Variants in ATAD1 observed in about 807,000 individuals in gnomAD.
ATAD1 encodes the protein outer mitochondrial transmembrane helix translocase.
Under a neutral mutation model 42.7 loss-of-function variants are expected in ATAD1, and 18 were observed. That is an observed-to-expected ratio of 0.42 (90% CI 0.29 to 0.63). ATAD1 has a LOEUF of 0.63. ATAD1 is among the 20% of genes least tolerant of loss of function. The pLI is 0.19. For synonymous variants in ATAD1, 132 were observed against 143.1 expected (o/e 0.92, Z 0.55); for missense variants, 294 against 440.4 (o/e 0.67, Z 2.98).
intron 1 of ATAD1, among the ~76,000 whole-genome samples, chr10:87,840,998 G>A (rs138479685): frequency 1.2e-4 from 18 of 152,020 alleles, no homozygotes; most frequent in African/African-American, 2.9e-4. Flanking sequence ...TCTCTGATAC[G>A]TAAAAAAACT....
chr10:87,799,671 T>A (rs1402756284), intron 2 of ATAD1, among the ~76,000 whole-genome samples: 1 of 152,072 alleles, frequency 6.6e-6, no homozygotes, highest in Non-Finnish European at 1.5e-5. Flanking sequence ...GGTAAACAAT[T>A]AAAATAATTA....
At position 87,818,198 on chromosome 10, in the gene ATAD1, T is replaced by C; in HGVS notation, c.-45A>G. 1 of 985,606 alleles carries C rather than the reference T, an allele frequency of 1.0e-6. No homozygotes were observed. Among genetic ancestry groups the C allele is most frequent in the Non-Finnish European group, 1.2e-6 (1 of 830,092 alleles). The allele number at this position is 985,606 out of a possible 1,614,324, so 61.1% of individuals were successfully genotyped here. A position where few individuals can be genotyped will look rare whatever the true frequency, so the allele number is the denominator to read the frequency against. On this transcript the variant is annotated 5_prime_UTR_variant, in exon 1 of 10. Coordinates refer to ENST00000680024, the MANE Select transcript of ATAD1 (RefSeq NM_001321967.2). ...GCAGAAACAGCAAGAGCAAGTGCCC[T>C]CAGCCGGCCTCACACAGGAAGGAAA...
chr10:87,772,938 T>C (rs1370698316), intron 6 of ATAD1, among the ~76,000 whole-genome samples: 1 of 152,218 alleles, frequency 6.6e-6, no homozygotes, highest in African/African-American at 2.4e-5. Context: ...TTTTATGTGT[T>C]AGTTGTTCAA....
intron 5 of ATAD1, among the ~76,000 whole-genome samples, 191 bp downstream of exon 5, chr10:87,784,279 A>G (rs576622375): frequency 1.2e-4 from 19 of 152,338 alleles, no homozygotes; most frequent in African/African-American, 4.6e-4. Context: ...AGAAAAACCT[A>G]TCTATCAAGT....
chr10:87,819,285 A>AAAAC (rs1857576641), upstream of ATAD1: 5 of 150,630 alleles, frequency 3.3e-5, no homozygotes, highest in Non-Finnish European at 7.4e-5. Context: ...AAAAAAAAAA[A>AAAAC]AAAAAACCAC....
At chr10:87,803,487 G>A (rs770396682) in intron 2 of ATAD1, among the ~76,000 whole-genome samples, 1 of 152,184 alleles carries the variant, frequency 6.6e-6, no homozygotes, top group Non-Finnish European at 1.5e-5. Flanking sequence ...TGCCTCTTTT[G>A]GAGAGGCTAA....
intron 9 of ATAD1, 138 bp downstream of exon 9, chr10:87,756,651 A>G: frequency 1.3e-6 from 1 of 774,194 alleles, no homozygotes; most frequent in South Asian, 4.0e-5. Context: ...GCAATAAATA[A>G]AGTTGCAGGG....
upstream of ATAD1, among the ~76,000 whole-genome samples, chr10:87,820,448 GT>G (rs1857611392): frequency 1.3e-5 from 2 of 152,138 alleles, no homozygotes. Context: ...AGACTAAAAG[GT>G]TTGCTGGGAT....
chr10:87,798,625 G>GGTGTGTGTGT (rs71022506), intron 2 of ATAD1, among the ~76,000 whole-genome samples: 1,294 of 124,920 alleles, frequency 0.01, 42 homozygotes, highest in Middle Eastern at 0.061. Flanking sequence ...AGCTATAGGG[G>GGTGTGTGTGT]GTGTGTGTGT....
intron 1 of ATAD1, chr10:87,817,685 G>C: frequency 3.1e-6 from 3 of 968,434 alleles, no homozygotes; most frequent in Non-Finnish European, 3.7e-6. Flanking sequence ...TCTTCACAAA[G>C]AGGGCAGGTT....
Position 87,771,038 on chromosome 10 carries a change from T to C in ATAD1, c.694A>G (p.Ile232Val). Reference protein sequence around the residue: ...GLDTDHSCQVIVMGATNRPQD... With the variant: ...GLDTDHSCQVVVMGATNRPQD... ...GGACGATTGGTAGCTCCCATTACTA[T>C]GACCTAAGTGTATAAAGAAGACAGA... is the stretch of plus-strand genomic sequence containing the variant. Residue 232 changes from isoleucine (I) to valine (V), a missense_variant, in exon 7 of 10, where the codon ATA becomes GTA. Coordinates refer to ENST00000680024, the MANE Select transcript of ATAD1 (RefSeq NM_001321967.2). The C allele has an allele frequency of 6.2e-7, 1 of 1,611,280 alleles. No individual in the cohort carries two copies. The highest frequency in any genetic ancestry group is 8.5e-7 in the Non-Finnish European group (1 of 1,177,846).
intron 9 of ATAD1, among the ~76,000 whole-genome samples, chr10:87,756,329 C>T (rs925595465): frequency 6.6e-6 from 1 of 152,188 alleles, no homozygotes; most frequent in South Asian, 2.1e-4. Flanking sequence ...CTGAACTATT[C>T]CAGTTCATTA....
intron 5 of ATAD1, among the ~76,000 whole-genome samples, chr10:87,781,654 T>C (rs1207301028): frequency 6.6e-6 from 1 of 151,862 alleles, no homozygotes; most frequent in Non-Finnish European, 1.5e-5. Context: ...AGAATTTTTT[T>C]TTTGAAGATG....
intron 4 of ATAD1, among the ~76,000 whole-genome samples, chr10:87,789,462 T>C (rs1855990354): frequency 6.6e-6 from 1 of 152,230 alleles, no homozygotes; most frequent in Non-Finnish European, 1.5e-5. Context: ...GGCTCATGCC[T>C]GTAATCCCAG....
chr10:87,803,467 C>G (rs955396984), intron 2 of ATAD1, among the ~76,000 whole-genome samples: 1 of 152,226 alleles, frequency 6.6e-6, no homozygotes, highest in Admixed American at 6.5e-5. Flanking sequence ...GAGATAAACG[C>G]GTATCTGCTT....
Position 87,782,912 on chromosome 10 carries a change from C to T in ATAD1, c.583+1558G>A, listed in dbSNP as rs561472497. Reference sequence around the variant, plus strand: ...ACTTGAAAGGTTGAGGCAGGAGGATCGCTTGAGCCGGGGAGGTCAAGGTTG... The same window carrying T: ...ACTTGAAAGGTTGAGGCAGGAGGATTGCTTGAGCCGGGGAGGTCAAGGTTG... On this transcript the variant is annotated intron_variant, in intron 5 of 9. Transcript: ENST00000680024. Among the ~76,000 whole-genome samples the T allele has an allele frequency of 2.6e-5, 4 of 151,646 alleles. No homozygotes were observed. In the South Asian group the frequency reaches 6.2e-4, roughly 24 times the overall value.
In ATAD1 at chr10:87,753,572, A is replaced by G. The variant is rs1368831784; in HGVS notation, c.*1115T>C. 5 of 152,586 alleles carry G rather than the reference A, an allele frequency of 3.3e-5. No individual in the cohort carries two copies. The East Asian group carries it at 9.6e-4, about 29-fold the overall frequency. 9.5% of individuals were successfully genotyped at this position (152,586 alleles called of 1,614,324 possible). A position where few individuals can be genotyped will look rare whatever the true frequency, so the allele number is the denominator to read the frequency against. Reference sequence around the variant, plus strand: ...ATTCACATTAAACGACTACAGATAGATACAATATGGGCATTTTGATGTGTA... The same window carrying G: ...ATTCACATTAAACGACTACAGATAGGTACAATATGGGCATTTTGATGTGTA... On this transcript the variant is annotated 3_prime_UTR_variant, in exon 10 of 10. Coordinates refer to ENST00000680024, the MANE Select transcript of ATAD1 (RefSeq NM_001321967.2).
rs1854106309 is a variant in ATAD1 at position 87,753,758 on chromosome 10, C to T, written c.*929G>A. The stretch of plus-strand genomic sequence containing the variant: ...TATATTTGACCATAATTAAAGAACA[C>T]ATAACCTTAAAATAATATTTAAGAA... On this transcript the variant is annotated 3_prime_UTR_variant, in exon 10 of 10. Coordinates refer to ENST00000680024, the MANE Select transcript of ATAD1 (RefSeq NM_001321967.2). The T allele has an allele frequency of 6.6e-6, 1 of 152,482 alleles. No individual in the cohort carries two copies. The highest frequency in any genetic ancestry group is 1.5e-5 in the Non-Finnish European group (1 of 67,996). The allele number at this position is 152,482 out of a possible 1,614,324, so 9.4% of individuals were successfully genotyped here. A position where few individuals can be genotyped will look rare whatever the true frequency, so the allele number is the denominator to read the frequency against.
intron 4 of ATAD1, among the ~76,000 whole-genome samples, chr10:87,788,056 C>T (rs1196596518): frequency 1.3e-5 from 2 of 152,142 alleles, no homozygotes; most frequent in Non-Finnish European, 2.9e-5. Context: ...AAAAAAATCA[C>T]TTTTTAAATA....
Sources: gnomAD v4.1 joint callset for allele counts (sites outside exome capture counted in the v4.1 genomes callset) on GRCh38, gnomAD v4.1.1 for gene constraint, MANE v1.5 for transcripts, NCBI Gene and HGNC (gene_info 2026-07-23, HGNC 2026-07-21) for gene names.